Variants in BAIAP2L1 observed in about 807,000 individuals in gnomAD.
BAIAP2L1 encodes the protein BAR/IMD domain containing adaptor protein 2 like 1, also known as BAR/IMD domain-containing adapter protein 2-like 1.
In BAIAP2L1, 35 loss-of-function variants were observed where a neutral mutation model predicts 66.3. That is an observed-to-expected ratio of 0.53 (90% CI 0.40 to 0.70). The LOEUF (loss-of-function observed/expected upper bound fraction) is 0.70, where lower values mean the gene tolerates loss of function less well. Among genes scored for constraint, BAIAP2L1 ranks in the 30% least tolerant of loss-of-function variants. The probability of loss-of-function intolerance (pLI) is 0.00; values close to 1 mark genes in which losing one functional copy is unlikely to be tolerated. For synonymous variants in BAIAP2L1, 269 were observed against 248.7 expected, an observed-to-expected ratio of 1.08 and a Z score of -0.77; for missense variants, 622 against 656.9, an observed-to-expected ratio of 0.95 and a Z score of 0.58.
chr7:98,313,953 T>C (rs1800975734), intron 7 of BAIAP2L1, among the ~76,000 whole-genome samples: 1 of 150,874 alleles, frequency 6.6e-6, no homozygotes, highest in Non-Finnish European at 1.5e-5. Flanking sequence ...TTAAATCTTA[T>C]TTAGGGAGCT....
chr7:98,356,994 CA>C lies in BAIAP2L1; in HGVS notation c.128-1867del, dbSNP rs1171832329. ...GTGGGCAAGAGTGAGGCCCCTGTCT[CA>C]AAAAAAAAAAAAAAAAAAAAAAAAA... On this transcript the variant is annotated intron_variant, in intron 2 of 13. Transcript: ENST00000005260. 4.1e-3 allele frequency among the ~76,000 whole-genome samples: 10 copies of C among 2,426 alleles called. No individual in the cohort carries two copies. In the East Asian group the frequency reaches 0.047, roughly 11 times the overall value. The allele number at this position is 2,426 out of a possible 152,430, so 1.6% of individuals were successfully genotyped here. A position where few individuals can be genotyped will look rare whatever the true frequency, so the allele number is the denominator to read the frequency against.
chr7:98,381,738 C>G (rs1219591264), intron 1 of BAIAP2L1, among the ~76,000 whole-genome samples: 1 of 152,150 alleles, frequency 6.6e-6, no homozygotes, highest in Non-Finnish European at 1.5e-5. Flanking sequence ...TTCCTACTCC[C>G]TACTCACTTA....
intron 1 of BAIAP2L1, among the ~76,000 whole-genome samples, chr7:98,373,202 C>A (rs1802549183): frequency 6.6e-6 from 1 of 152,122 alleles, no homozygotes; most frequent in South Asian, 2.1e-4. Flanking sequence ...TGTGGGCTAA[C>A]AGATGGTCAC....
intron 1 of BAIAP2L1, among the ~76,000 whole-genome samples, chr7:98,370,747 C>T (rs971309991): frequency 1.3e-5 from 2 of 151,564 alleles, no homozygotes; most frequent in Admixed American, 6.6e-5. Flanking sequence ...ATGATCCGTC[C>T]GCCTCGGCCT....
At position 98,297,612 on chromosome 7, in the gene BAIAP2L1, C is replaced by T. The variant is rs141677343; in HGVS notation, c.1423-3501G>A. 4.1e-3 allele frequency among the ~76,000 whole-genome samples: 624 copies of T among 152,312 alleles called. 6 individuals carry two copies. Among genetic ancestry groups the T allele is most frequent in the African/African-American group, 0.014 (598 of 41,570 alleles). On this transcript the variant is annotated intron_variant, in intron 12 of 13. Transcript: ENST00000005260. ...CCCATTCCAGTCCTCGTCTGTGGCC[C>T]GGACTTGTCTTCCAGTTCACTTCTG...
chr7:98,345,531 C>A (rs914720308), intron 3 of BAIAP2L1, among the ~76,000 whole-genome samples: 5 of 151,936 alleles, frequency 3.3e-5, no homozygotes, highest in African/African-American at 1.2e-4. Context: ...TTGAGACGAG[C>A]CTGACCAGTA....
intron 3 of BAIAP2L1, among the ~76,000 whole-genome samples, chr7:98,350,340 A>G (rs1364603964): frequency 6.6e-6 from 1 of 151,608 alleles, no homozygotes; most frequent in Non-Finnish European, 1.5e-5. Flanking sequence ...GTTACAAGAT[A>G]TCCAAAGGCT....
At chr7:98,362,104 G>T (rs1290382532) in intron 2 of BAIAP2L1, among the ~76,000 whole-genome samples, 3 of 152,116 alleles carry the variant, frequency 2.0e-5, no homozygotes, top group Non-Finnish European at 4.4e-5. Context: ...CAAGAATTTG[G>T]TTTTAAAAGT....
chr7:98,293,466 C>T lies in BAIAP2L1; in HGVS notation c.*55G>A. ...TCAGCACGTGGCAGACAGGATGCGC[C>T]CATCATTCCGCAAGGGAGAACCGGA... is the stretch of plus-strand genomic sequence containing the variant. On this transcript the variant is annotated 3_prime_UTR_variant, in exon 14 of 14. Coordinates refer to ENST00000005260, the MANE Select transcript of BAIAP2L1 (RefSeq NM_018842.5). The T allele has an allele frequency of 6.6e-7, 1 of 1,526,376 alleles. No individual in the cohort carries two copies. The highest frequency in any genetic ancestry group is 9.1e-7 in the Non-Finnish European group (1 of 1,102,124). The allele number at this position is 1,526,376 out of a possible 1,614,324, so 94.6% of individuals were successfully genotyped here. A position where few individuals can be genotyped will look rare whatever the true frequency, so the allele number is the denominator to read the frequency against.
chr7:98,380,419 A>G (rs1802727273), intron 1 of BAIAP2L1, among the ~76,000 whole-genome samples: 1 of 152,060 alleles, frequency 6.6e-6, no homozygotes, highest in African/African-American at 2.4e-5. Flanking sequence ...CACTTCTAAC[A>G]TGGCGGCAGG....
rs1000494707 is a variant in BAIAP2L1 at position 98,321,534 on chromosome 7, G to A, written c.215-1236C>T. ...CCTCACCGCCGAGGGCAGCAATCAC[G>A]CCCCCGGGTTTGCAATCATATCTCT... On this transcript the variant is annotated intron_variant, in intron 3 of 13. Coordinates refer to ENST00000005260, the MANE Select transcript of BAIAP2L1 (RefSeq NM_018842.5). Among the ~76,000 whole-genome samples, 115 of 152,182 alleles carry A rather than the reference G, an allele frequency of 7.6e-4. 1 individual carries two copies. Among genetic ancestry groups the A allele is most frequent in the Non-Finnish European group, 2.9e-4 (20 of 67,998 alleles).
chr7:98,375,631 C>G (rs1437756047), intron 1 of BAIAP2L1, among the ~76,000 whole-genome samples: 1 of 151,490 alleles, frequency 6.6e-6, no homozygotes, highest in Non-Finnish European at 1.5e-5. Flanking sequence ...CACCTATAAT[C>G]TCAGCTACTC....
intron 1 of BAIAP2L1, among the ~76,000 whole-genome samples, chr7:98,393,696 A>C (rs1803127778): frequency 6.8e-6 from 1 of 147,116 alleles, no homozygotes; most frequent in South Asian, 2.2e-4. Flanking sequence ...ACGGGGTTTC[A>C]CTGTGGTCTT....
At chr7:98,387,771 G>A (rs1802932456) in intron 1 of BAIAP2L1, among the ~76,000 whole-genome samples, 1 of 152,046 alleles carries the variant, frequency 6.6e-6, no homozygotes. Context: ...GAAGGCTGGG[G>A]CAGGAGAATT....
At chr7:98,371,489 C>G (rs1802509816) in intron 1 of BAIAP2L1, among the ~76,000 whole-genome samples, 1 of 152,172 alleles carries the variant, frequency 6.6e-6, no homozygotes, top group Non-Finnish European at 1.5e-5. Flanking sequence ...CCGCTGGAAC[C>G]AGCACACACT....
chr7:98,356,469 G>C (rs546325246), intron 2 of BAIAP2L1, among the ~76,000 whole-genome samples: 13 of 152,018 alleles, frequency 8.6e-5, no homozygotes, highest in African/African-American at 2.9e-4. Flanking sequence ...ATGTATAATG[G>C]GCAATTGTTT....
intron 2 of BAIAP2L1, 49 bp downstream of exon 2, chr7:98,362,308 T>A: frequency 7.3e-7 from 1 of 1,369,290 alleles, no homozygotes; most frequent in Admixed American, 2.0e-5. Context: ...AATAATTACA[T>A]ATTTACTGAG....
intron 5 of BAIAP2L1, 131 bp downstream of exon 5, chr7:98,319,927 G>A: frequency 1.3e-6 from 1 of 750,410 alleles, no homozygotes; most frequent in Non-Finnish European, 2.3e-6. Context: ...TCGGTTTCAT[G>A]CATCTGGGCA....
At chr7:98,319,309 T>G (rs879342690) in intron 5 of BAIAP2L1, among the ~76,000 whole-genome samples, 16 of 152,078 alleles carry the variant, frequency 1.1e-4, no homozygotes, top group African/African-American at 3.9e-4. Flanking sequence ...TGGACAAAAG[T>G]GGATAGAGAA....
Sources: gnomAD v4.1 joint callset for allele counts (sites outside exome capture counted in the v4.1 genomes callset) on GRCh38, gnomAD v4.1.1 for gene constraint, MANE v1.5 for transcripts, NCBI Gene and HGNC (gene_info 2026-07-23, HGNC 2026-07-21) for gene names.